The following VMP1 variants were observed in gnomAD, a reference collection of about 807,000 sequenced individuals.
The protein encoded by VMP1 is vacuole membrane protein 1.
In VMP1, 11 loss-of-function variants were observed where a neutral mutation model predicts 56.0. The ratio of observed to expected loss-of-function variants is 0.20; its 90% CI spans 0.12 to 0.32. VMP1 has a LOEUF of 0.32. Ranked by LOEUF, VMP1 falls within the 10% of genes least tolerant of loss-of-function variation. The pLI, the probability that VMP1 is intolerant of heterozygous loss-of-function variation, is 1.00. For synonymous variants in VMP1, 149 were observed against 165.0 expected, an observed-to-expected ratio of 0.90 and a Z score of 0.74; for missense variants, 296 against 490.3, an observed-to-expected ratio of 0.60 and a Z score of 3.74.
chr17:59,746,006 G>A (rs1426161662), intron 5 of VMP1, among the ~76,000 whole-genome samples: 2 of 152,274 alleles, frequency 1.3e-5, no homozygotes, highest in South Asian at 2.1e-4. Flanking sequence ...TTCCTAGAGT[G>A]TGGAAGGTAT....
chr17:59,728,693 T>G (rs1232605892), intron 1 of VMP1, among the ~76,000 whole-genome samples: 1 of 151,910 alleles, frequency 6.6e-6, no homozygotes, highest in East Asian at 1.9e-4. Context: ...GATTATTTAT[T>G]TATTTATTTA....
intron 1 of VMP1, among the ~76,000 whole-genome samples, chr17:59,727,646 T>C (rs2034660464): frequency 6.6e-6 from 1 of 152,162 alleles, no homozygotes; most frequent in African/African-American, 2.4e-5. Context: ...AAATGAGAGC[T>C]GAATGAACAA....
chr17:59,772,154 C>G (rs545367381), intron 6 of VMP1, among the ~76,000 whole-genome samples: 31 of 152,048 alleles, frequency 2.0e-4, no homozygotes, highest in African/African-American at 7.5e-4. Context: ...CCATGCCCAG[C>G]TAATTTTTTG....
At chr17:59,774,896 T>C (rs2036562010) in intron 7 of VMP1, among the ~76,000 whole-genome samples, 1 of 152,044 alleles carries the variant, frequency 6.6e-6, no homozygotes, top group Admixed American at 6.6e-5. Flanking sequence ...CCTAGGAGTT[T>C]GAGATCAGCC....
intron 7 of VMP1, among the ~76,000 whole-genome samples, chr17:59,807,868 A>C (rs914762890): frequency 4.0e-5 from 6 of 151,266 alleles, no homozygotes; most frequent in Non-Finnish European, 8.8e-5. Flanking sequence ...TGGACTAAAG[A>C]GAGTGGAAGA....
At chr17:59,802,998 G>A (rs2037727043) in intron 7 of VMP1, among the ~76,000 whole-genome samples, 1 of 152,134 alleles carries the variant, frequency 6.6e-6, no homozygotes, top group Non-Finnish European at 1.5e-5. Context: ...CACCCGCCTT[G>A]GCCTCCAAAG....
chr17:59,841,488 T>C lies in VMP1; in HGVS notation c.*1577T>C, dbSNP rs913562384. 1.7e-5 allele frequency: 4 copies of C among 235,772 alleles called. No homozygotes were observed. Among genetic ancestry groups the C allele is most frequent in the Admixed American group, 1.2e-4 (3 of 24,434 alleles). 14.6% of individuals were successfully genotyped at this position (235,772 alleles called of 1,614,324 possible). On this transcript the variant is annotated 3_prime_UTR_variant, in exon 12 of 12. Coordinates refer to ENST00000262291, the MANE Select transcript of VMP1 (RefSeq NM_030938.5). The stretch of plus-strand genomic sequence containing the variant: ...ATGCAGCAGTATGGAGGGAGGATTT[T>C]ATGGAGAAATGGGGATAGTCTTCAT...
At chr17:59,824,802 G>T (rs569279449) in intron 10 of VMP1, among the ~76,000 whole-genome samples, 44 of 150,832 alleles carry the variant, frequency 2.9e-4, no homozygotes, top group Admixed American at 8.0e-4. Flanking sequence ...GAACCCAGGA[G>T]GTGGAAATTG....
chr17:59,784,390 A>G (rs556269662), intron 7 of VMP1, among the ~76,000 whole-genome samples: 2 of 151,906 alleles, frequency 1.3e-5, no homozygotes, highest in East Asian at 3.9e-4. Flanking sequence ...CTTCTTTGTG[A>G]ACTATTTTAT....
chr17:59,831,747 C>T (rs2038812265), intron 10 of VMP1, among the ~76,000 whole-genome samples: 1 of 147,322 alleles, frequency 6.8e-6, no homozygotes, highest in African/African-American at 2.5e-5. Context: ...GAGTAGGTTT[C>T]AAGTCTGTGT....
intron 7 of VMP1, among the ~76,000 whole-genome samples, chr17:59,800,232 T>C (rs2037591050): frequency 6.6e-6 from 1 of 152,238 alleles, no homozygotes. Context: ...TAATAGTTAA[T>C]TGTATAATGT....
chr17:59,722,838 T>C (rs887140378), intron 1 of VMP1, among the ~76,000 whole-genome samples: 3 of 152,170 alleles, frequency 2.0e-5, no homozygotes, highest in Non-Finnish European at 4.4e-5. Flanking sequence ...CTGTGATTGC[T>C]CTACTGCATG....
intron 5 of VMP1, among the ~76,000 whole-genome samples, chr17:59,757,509 T>G (rs1208892265): frequency 6.6e-6 from 1 of 152,182 alleles, no homozygotes; most frequent in Non-Finnish European, 1.5e-5. Flanking sequence ...TTTAAACTTA[T>G]GTAAAAAGAG....
chr17:59,838,591 ATCT>A (rs2039059696), intron 11 of VMP1, 194 bp downstream of exon 11: 5 of 575,696 alleles, frequency 8.7e-6, no homozygotes, highest in Admixed American at 3.1e-5. Flanking sequence ...ACTTCTGTAC[ATCT>A]TCTCCTAAAA....
rs1173772577 is a variant in VMP1 at position 59,741,841 on chromosome 17, A to C, written c.414+2894A>C. ...AGTCCTCATAGTGTATGTAGAGTAC[A>C]TTGGATCTTTTGACTTGTTCTGCCT... On this transcript the variant is annotated intron_variant, in intron 5 of 11. Coordinates refer to ENST00000262291, the MANE Select transcript of VMP1 (RefSeq NM_030938.5). Among the ~76,000 whole-genome samples, 3 of 152,296 alleles carry C rather than the reference A, an allele frequency of 2.0e-5. No homozygotes were observed. In the South Asian group the frequency reaches 6.2e-4, roughly 32 times the overall value.
chr17:59,742,946 GTCTGT>G (rs2035283087), intron 5 of VMP1, among the ~76,000 whole-genome samples: 1 of 152,110 alleles, frequency 6.6e-6, no homozygotes, highest in African/African-American at 2.4e-5. Flanking sequence ...CCCACCTCAG[GTCTGT>G]GGAAAACTTG....
At chr17:59,740,076 CAAAAAA>C (rs912542092) in intron 5 of VMP1, among the ~76,000 whole-genome samples, 1 of 104,576 alleles carries the variant, frequency 9.6e-6, no homozygotes, top group African/African-American at 3.3e-5. Context: ...GACTCCGTCT[CAAAAAA>C]AAAAAAAGAA....
intron 6 of VMP1, among the ~76,000 whole-genome samples, chr17:59,772,982 A>C (rs1255952746): frequency 6.5e-5 from 1 of 15,464 alleles, no homozygotes. Context: ...TTTTTTTTTG[A>C]GACAGAGTCT....
At chr17:59,815,855 C>CAAAAAA (rs71145576) in intron 9 of VMP1, among the ~76,000 whole-genome samples, 2 of 106,368 alleles carry the variant, frequency 1.9e-5, no homozygotes, top group Non-Finnish European at 3.7e-5. Flanking sequence ...GACTCCGTCT[C>CAAAAAA]AAAAAAAAAA....
Sources: gnomAD v4.1 joint callset for allele counts (sites outside exome capture counted in the v4.1 genomes callset) on GRCh38, gnomAD v4.1.1 for gene constraint, MANE v1.5 for transcripts, NCBI Gene and HGNC (gene_info 2026-07-23, HGNC 2026-07-21) for gene names.